The following MAP3K4 variants were observed in gnomAD, a reference collection of about 807,000 sequenced individuals.
The protein encoded by MAP3K4 is MAP three kinase 1.
A neutral mutation model predicts 185.6 loss-of-function variants in MAP3K4; 67 were observed. That is an observed-to-expected ratio of 0.36 (90% CI 0.30 to 0.44). The LOEUF (loss-of-function observed/expected upper bound fraction) is 0.44, where lower values mean the gene tolerates loss of function less well. Ranked by LOEUF, MAP3K4 falls within the 20% of genes least tolerant of loss-of-function variation. The pLI is 1.00. For missense variants in MAP3K4, 1,551 were observed against 1,995.1 expected (o/e 0.78, Z 4.24); for synonymous variants, 702 against 710.4 (o/e 0.99, Z 0.19).
chr6:161,034,366 G>A lies in MAP3K4; in HGVS notation c.260G>A (p.Ser87Asn). ...AATCTTTATGGTACCTCTCCCCCCA[G>A]CACACCTCGACAGATGAAACGCATG... ...TENLYGTSPP[S>N]TPRQMKRMST... The change falls in exon 2 of 27, where the codon AGC becomes AAC. Residue 87 changes from serine to asparagine, a missense_variant. Physicochemically the swap from Ser to Asn is conservative, Grantham distance 46. Coordinates refer to ENST00000392142, the MANE Select transcript of MAP3K4 (RefSeq NM_005922.4). This position sits in a 1 kb window ranked among gnomAD's most constrained non-coding sequence, Gnocchi z 4.4. 1 of 1,613,856 alleles carries A rather than the reference G, an allele frequency of 6.2e-7. No homozygotes were observed. Among genetic ancestry groups the A allele is most frequent in the Non-Finnish European group, 8.5e-7 (1 of 1,179,864 alleles).
In MAP3K4 at chr6:161,070,486, T is replaced by A. The variant is rs901759820; in HGVS notation, c.1708-122T>A. On this transcript the variant is annotated intron_variant, in intron 3 of 26. Coordinates refer to ENST00000392142, the MANE Select transcript of MAP3K4 (RefSeq NM_005922.4). This position sits in a 1 kb window ranked among gnomAD's most constrained non-coding sequence, Gnocchi z 4.5. ...TTAAATTATTAAATATTCTTTTCCC[T>A]GTAAAATTAGAATTTTTGTAGATTT... The A allele has an allele frequency of 1.5e-6, 1 of 683,996 alleles. No homozygotes were observed. 42.4% of individuals were successfully genotyped at this position (683,996 alleles called of 1,614,324 possible). A position where few individuals can be genotyped will look rare whatever the true frequency, so the allele number is the denominator to read the frequency against.
At chr6:160,997,702 C>G (rs1488060288) in intron 1 of MAP3K4, among the ~76,000 whole-genome samples, 1 of 152,228 alleles carries the variant, frequency 6.6e-6, no homozygotes. Context: ...TGCCCTACTT[C>G]ACTGTCTTCC....
chr6:161,028,658 C>CT (rs1046158888), intron 1 of MAP3K4, among the ~76,000 whole-genome samples: 3,216 of 146,932 alleles, frequency 0.022, 114 homozygotes, highest in African/African-American at 0.075. Flanking sequence ...CATAGGAAAT[C>CT]TTTTTTTTTT....
chr6:161,048,570 A>C lies in MAP3K4; in HGVS notation c.344-46A>C. ...TATTGAAAATATTGAGAGTAGCTTC[A>C]TATTTTAGAGTTATATAATGTTCTG... is the stretch of plus-strand genomic sequence containing the variant. On this transcript the variant is annotated intron_variant, in intron 2 of 26. Coordinates refer to ENST00000392142, the MANE Select transcript of MAP3K4 (RefSeq NM_005922.4). This position sits in a 1 kb window ranked among gnomAD's most constrained non-coding sequence, Gnocchi z 4.7. The C allele has an allele frequency of 7.9e-7, 1 of 1,259,518 alleles. No homozygotes were observed. Among genetic ancestry groups the C allele is most frequent in the Non-Finnish European group, 1.1e-6 (1 of 917,522 alleles). 78.0% of individuals were successfully genotyped at this position (1,259,518 alleles called of 1,614,324 possible). A position where few individuals can be genotyped will look rare whatever the true frequency, so the allele number is the denominator to read the frequency against.
At chr6:160,992,146 G>T in intron 1 of MAP3K4, 63 bp downstream of exon 1, 1 of 1,450,066 alleles carries the variant, frequency 6.9e-7, no homozygotes, top group Non-Finnish European at 9.0e-7. Flanking sequence ...CCCGAACTCG[G>T]TCGGGCCCGA....
Position 161,100,843 on chromosome 6 carries a change from C to T in MAP3K4, c.3675-1049C>T, listed in dbSNP as rs754853923. 3.9e-5 allele frequency among the ~76,000 whole-genome samples: 6 copies of T among 152,040 alleles called. No individual in the cohort carries two copies. Among genetic ancestry groups the T allele is most frequent in the African/African-American group, 7.3e-5 (3 of 41,358 alleles). On this transcript the variant is annotated intron_variant, in intron 17 of 26. Transcript: ENST00000392142. This position sits in a 1 kb window ranked among gnomAD's most constrained non-coding sequence, Gnocchi z 5.8. ...CTCACTTCAACACCAGTGGTTTTCC[C>T]GTCAGATAGTGCCGAATTTTTTATG...
rs368230130 is a variant in MAP3K4, at chr6:161,048,400, G to A, written c.344-216G>A. On this transcript the variant is annotated intron_variant, in intron 2 of 26. Transcript: ENST00000392142. This position sits in a 1 kb window ranked among gnomAD's most constrained non-coding sequence, Gnocchi z 4.7. ...TTAGTTGTGAATATAAGAGAATACA[G>A]CAAATACTGGAAAAATGGATAATTT... 7 of 616,158 alleles carry A rather than the reference G, an allele frequency of 1.1e-5. No homozygotes were observed. In the East Asian group the frequency reaches 1.2e-4, roughly 11 times the overall value. 38.2% of individuals were successfully genotyped at this position (616,158 alleles called of 1,614,324 possible). A position where few individuals can be genotyped will look rare whatever the true frequency, so the allele number is the denominator to read the frequency against.
chr6:161,099,813 A>G (rs765109019), intron 17 of MAP3K4, among the ~76,000 whole-genome samples: 2 of 152,194 alleles, frequency 1.3e-5, no homozygotes, highest in Non-Finnish European at 1.5e-5. Flanking sequence ...GTGGTGTGGT[A>G]CATTATGTGT....
intron 2 of MAP3K4, among the ~76,000 whole-genome samples, chr6:161,036,211 A>G (rs1260135529): frequency 6.6e-6 from 1 of 152,210 alleles, no homozygotes; most frequent in Non-Finnish European, 1.5e-5. Flanking sequence ...TTATGAAATT[A>G]TAGAATTTTA....
intron 3 of MAP3K4, among the ~76,000 whole-genome samples, chr6:161,058,644 C>A (rs1015387532): frequency 6.6e-6 from 1 of 151,968 alleles, no homozygotes; most frequent in Non-Finnish European, 1.5e-5. Flanking sequence ...TAAATTATGT[C>A]TTTGTTATGT....
At position 161,115,883 on chromosome 6, in the gene MAP3K4, A is replaced by G. The variant is rs1035245528; in HGVS notation, c.4806+581A>G. ...GTGAACACAGGATGTGGACAAGGGC[A>G]GGAAGATAAGGCTAGAACAGTAACC... On this transcript the variant is annotated intron_variant, in intron 26 of 26. Coordinates refer to ENST00000392142, the MANE Select transcript of MAP3K4 (RefSeq NM_005922.4). The surrounding 1 kb of genome is among the most constrained non-coding windows in gnomAD (Gnocchi z 6.0). 2.6e-5 allele frequency among the ~76,000 whole-genome samples: 4 copies of G among 152,200 alleles called. No homozygotes were observed. Among genetic ancestry groups the G allele is most frequent in the Non-Finnish European group, 5.9e-5 (4 of 68,036 alleles).
Position 161,076,802 on chromosome 6 carries a change from A to T in MAP3K4, c.2097+3190A>T, listed in dbSNP as rs1256055141. ...TTAAGTTTTCATCCTACAGATAATT[A>T]TTGGGTATCCACTGTGTGCCAGGCA... is the stretch of plus-strand genomic sequence containing the variant. On this transcript the variant is annotated intron_variant, in intron 5 of 26. Transcript: ENST00000392142. This position sits in a 1 kb window ranked among gnomAD's most constrained non-coding sequence, Gnocchi z 4.2. Among the ~76,000 whole-genome samples, 1 of 152,208 alleles carries T rather than the reference A, an allele frequency of 6.6e-6. No homozygotes were observed. The highest frequency in any genetic ancestry group is 2.4e-5 in the African/African-American group (1 of 41,456).
rs986999860 is a variant in MAP3K4, at chr6:160,992,051, C to T, written c.120C>T (p.Thr40=). 1 of 1,584,440 alleles carries T rather than the reference C, an allele frequency of 6.3e-7. No homozygotes were observed. The highest frequency in any genetic ancestry group is 1.4e-5 in the African/African-American group (1 of 72,844). The change falls in exon 1 of 27, where the codon ACC becomes ACT. Residue 40 remains threonine (T), a synonymous_variant. Transcript: ENST00000392142. ...CACCACCGCCACCGGAACCCGAGAC[C>T]GAGTCAGAACCCGAGTGCTGCTTGG... ...PPPPPPPEPE[T]ESEPECCLAA...
intron 1 of MAP3K4, among the ~76,000 whole-genome samples, chr6:161,026,176 G>T (rs930146377): frequency 3.3e-5 from 5 of 152,084 alleles, no homozygotes; most frequent in South Asian, 2.1e-4. Context: ...TGTGGCCCAG[G>T]CTGGAGTGCA....
chr6:161,000,796 T>C (rs1024865539), intron 1 of MAP3K4, among the ~76,000 whole-genome samples: 3 of 142,534 alleles, frequency 2.1e-5, no homozygotes, highest in Non-Finnish European at 4.5e-5. Flanking sequence ...TATACACACA[T>C]GTGTACACCC....
Position 160,991,942 on chromosome 6 carries a change from C to T in MAP3K4, c.11C>T (p.Ala4Val). 1.9e-6 allele frequency: 3 copies of T among 1,541,328 alleles called. No individual in the cohort carries two copies. The highest frequency in any genetic ancestry group is 1.2e-5 in the South Asian group (1 of 84,366). The part of the protein sequence containing the change: MRE[A>V]AAALVPPPAF... ...GGGCTCCGTGCACGGATGAGAGAAG[C>T]CGCTGCCGCGCTGGTCCCTCCTCCC... Residue 4 changes from alanine (A) to valine (V), a missense_variant, in exon 1 of 27, where the codon GCC becomes GTC. By Grantham distance (64) the Ala-to-Val change is moderately conservative. Around this residue, in one of 16 missense-constraint regions of MAP3K4, gnomAD observed 287 missense variants for 268.8 expected, o/e 1.07. Transcript: ENST00000392142. This position sits in a 1 kb window ranked among gnomAD's most constrained non-coding sequence, Gnocchi z 5.7.
chr6:161,048,750 A>C lies in MAP3K4; in HGVS notation c.478A>C (p.Asn160His), dbSNP rs768252574. 1 of 1,614,092 alleles carries C rather than the reference A, an allele frequency of 6.2e-7. No homozygotes were observed. The highest frequency in any genetic ancestry group is 8.5e-7 in the Non-Finnish European group (1 of 1,180,018). Residue 160 changes from asparagine to histidine, a missense_variant, in exon 3 of 27, where the codon AAT becomes CAT. By Grantham distance (68) the Asn-to-His change is moderately conservative. Coordinates refer to ENST00000392142, the MANE Select transcript of MAP3K4 (RefSeq NM_005922.4). This position sits in a 1 kb window ranked among gnomAD's most constrained non-coding sequence, Gnocchi z 4.7. Reference sequence around the variant, plus strand: ...AACAACAGAGCGTGATCGTAAAAAAAATGTACAGTGCTCATTCATGTTAGA... The same window carrying C: ...AACAACAGAGCGTGATCGTAAAAAACATGTACAGTGCTCATTCATGTTAGA... ...LRTTERDRKK[N>H]VQCSFMLDSV...
At chr6:161,094,936 T>G (rs768070906) in intron 15 of MAP3K4, among the ~76,000 whole-genome samples, 3 of 152,220 alleles carry the variant, frequency 2.0e-5, no homozygotes, top group Non-Finnish European at 4.4e-5. Context: ...AGATAAGGAA[T>G]CATTTTCATT....
intron 1 of MAP3K4, among the ~76,000 whole-genome samples, chr6:161,006,240 C>G (rs1341395226): frequency 6.6e-6 from 1 of 152,160 alleles, no homozygotes; most frequent in Non-Finnish European, 1.5e-5. Context: ...GTGCAATTTC[C>G]TTGACTTCTG....
Sources: allele counts gnomAD v4.1 joint callset (sites outside exome capture counted in the v4.1 genomes callset), GRCh38; gene constraint gnomAD v4.1.1; regional missense constraint gnomAD v4.1.1; non-coding constraint Gnocchi (gnomAD v3.1); transcripts MANE v1.5; gene names NCBI Gene and HGNC (gene_info 2026-07-23, HGNC 2026-07-21).